The following SUMF1 variants were observed in gnomAD, a reference collection of about 807,000 sequenced individuals.
SUMF1 encodes formylglycine-generating enzyme.
In SUMF1, 48 loss-of-function variants were observed where a neutral mutation model predicts 47.6. That is an observed-to-expected ratio of 1.01 (90% CI 0.80 to 1.28). The LOEUF (loss-of-function observed/expected upper bound fraction) is 1.28. SUMF1 is among the 50% of genes most tolerant of loss of function. The pLI is 0.00. For synonymous variants in SUMF1, 230 were observed against 192.1 expected, an observed-to-expected ratio of 1.20 and a Z score of -1.63; for missense variants, 571 against 485.4, an observed-to-expected ratio of 1.18 and a Z score of -1.66.
intron 8 of SUMF1, among the ~76,000 whole-genome samples, chr3:4,295,307 T>G (rs1299743483): frequency 6.6e-6 from 1 of 152,012 alleles, no homozygotes; most frequent in African/African-American, 2.4e-5. Context: ...CAGATGATAT[T>G]TGGTGGTATC....
At chr3:4,212,640 A>C (rs1320427816) in intron 8 of SUMF1, among the ~76,000 whole-genome samples, 3 of 152,160 alleles carry the variant, frequency 2.0e-5, no homozygotes, top group Admixed American at 6.5e-5. Context: ...CTGTAACTCA[A>C]TGCAAGAAAG....
chr3:4,448,640 C>T (rs1702865470), intron 3 of SUMF1, among the ~76,000 whole-genome samples: 1 of 152,200 alleles, frequency 6.6e-6, no homozygotes, highest in Non-Finnish European at 1.5e-5. Flanking sequence ...GAACAAGAAT[C>T]CCAAGTTCCA....
intron 8 of SUMF1, among the ~76,000 whole-genome samples, chr3:4,266,287 GGGGAT>G (rs1697193851): frequency 6.6e-6 from 1 of 152,182 alleles, no homozygotes; most frequent in Non-Finnish European, 1.5e-5. Context: ...GTAGCTTGAT[GGGGAT>G]GGCAATGAAT....
intron 8 of SUMF1, among the ~76,000 whole-genome samples, chr3:4,348,369 T>C (rs1361946452): frequency 1.3e-5 from 2 of 152,000 alleles, no homozygotes; most frequent in Non-Finnish European, 2.9e-5. Context: ...TCGGAAGCAA[T>C]ACCACACATC....
Position 4,170,613 on chromosome 3 carries a change from A to C in SUMF1, c.1015-101868T>G, listed in dbSNP as rs112829126. 1.6e-3 allele frequency among the ~76,000 whole-genome samples: 241 copies of C among 152,352 alleles called. 1 individual carries two copies. Among genetic ancestry groups the C allele is most frequent in the African/African-American group, 5.2e-3 (218 of 41,594 alleles). On this transcript the variant is annotated intron_variant and NMD_transcript_variant, in intron 8 of 12. Transcript: ENST00000448413. ...TAAGCAACAGTAATCAAGACAGTGT[A>C]GTATTGTCACCAATAACAGACAATA...
chr3:4,180,560 G>A (rs963944530), intron 8 of SUMF1, among the ~76,000 whole-genome samples: 3 of 151,934 alleles, frequency 2.0e-5, no homozygotes, highest in Admixed American at 1.3e-4. Flanking sequence ...GGGGGCTGGG[G>A]GAGGGATAGC....
At chr3:4,119,095 T>A (rs745429965) in intron 8 of SUMF1, among the ~76,000 whole-genome samples, 1 of 152,120 alleles carries the variant, frequency 6.6e-6, no homozygotes, top group Non-Finnish European at 1.5e-5. Flanking sequence ...CATTTTTCAT[T>A]CCAGCTAATG....
chr3:4,317,067 G>C lies in SUMF1; in HGVS notation c.1014+59263C>G, dbSNP rs980707405. The C allele has an allele frequency of 3.2e-6, 5 of 1,549,072 alleles. No individual in the cohort carries two copies. In the East Asian group the frequency reaches 1.2e-4, roughly 38 times the overall value. On this transcript the variant is annotated intron_variant and NMD_transcript_variant, in intron 8 of 12. Transcript: ENST00000448413. Reference sequence around the variant, plus strand: ...TGACCTCTTGCCAACCAACTACCACGTCTTTAAGCATCTCAACAACTTTTT... The same window carrying C: ...TGACCTCTTGCCAACCAACTACCACCTCTTTAAGCATCTCAACAACTTTTT...
chr3:4,296,420 C>G (rs1341633288), intron 8 of SUMF1, among the ~76,000 whole-genome samples: 2 of 151,734 alleles, frequency 1.3e-5, no homozygotes, highest in African/African-American at 4.8e-5. Flanking sequence ...AAAGACATAC[C>G]TGAGACTGGG....
At chr3:4,273,686 A>AGGGAGGGAGGATACGGGAGGGAGGATAC (rs769902821) in intron 8 of SUMF1, among the ~76,000 whole-genome samples, 2 of 98,586 alleles carry the variant, frequency 2.0e-5, no homozygotes, top group Non-Finnish European at 4.0e-5. Context: ...GAAAGAAGGA[A>AGGGAGGGAGGATACGGGAGGGAGGATAC]GGGAGGGAGG....
intron 1 of SUMF1, among the ~76,000 whole-genome samples, chr3:4,463,335 C>T (rs143278305): frequency 1.3e-5 from 2 of 152,130 alleles, no homozygotes; most frequent in African/African-American, 2.4e-5. Flanking sequence ...ACTAAAAATA[C>T]AAAAATTGGC....
intron 8 of SUMF1, among the ~76,000 whole-genome samples, chr3:4,273,646 T>A (rs1697347874): frequency 6.9e-6 from 1 of 144,374 alleles, no homozygotes; most frequent in Admixed American, 7.2e-5. Flanking sequence ...GAGTAAATTT[T>A]ACATTAAGTA....
At chr3:4,121,691 T>C (rs368901492) in intron 8 of SUMF1, among the ~76,000 whole-genome samples, 3 of 152,186 alleles carry the variant, frequency 2.0e-5, no homozygotes, top group Non-Finnish European at 4.4e-5. Context: ...AGTGCCTATA[T>C]ATGCATGTTC....
intron 8 of SUMF1, among the ~76,000 whole-genome samples, chr3:4,220,177 G>C (rs1244670375): frequency 6.6e-6 from 1 of 152,130 alleles, no homozygotes; most frequent in Non-Finnish European, 1.5e-5. Context: ...AAGAGGCCAA[G>C]TTAATTCTGT....
chr3:4,315,366 T>A (rs1698594365), intron 8 of SUMF1, among the ~76,000 whole-genome samples: 1 of 152,220 alleles, frequency 6.6e-6, no homozygotes, highest in Non-Finnish European at 1.5e-5. Context: ...TACCCTTTTC[T>A]ATGTCCTTTT....
At chr3:4,256,327 G>C (rs1233279031) in intron 8 of SUMF1, among the ~76,000 whole-genome samples, 1 of 104,028 alleles carries the variant, frequency 9.6e-6, no homozygotes, top group East Asian at 2.3e-4. Context: ...GAATCCAGGA[G>C]CTGGTTTTTT....
At chr3:4,191,419 T>C (rs936160869) in intron 8 of SUMF1, among the ~76,000 whole-genome samples, 1 of 152,108 alleles carries the variant, frequency 6.6e-6, no homozygotes, top group Non-Finnish European at 1.5e-5. Context: ...AAAGGTTACA[T>C]CATGTAGGTC....
intron 8 of SUMF1, among the ~76,000 whole-genome samples, chr3:4,136,552 T>C (rs993336752): frequency 3.9e-5 from 6 of 152,008 alleles, no homozygotes; most frequent in East Asian, 1.9e-4. Context: ...ATTCAGGACA[T>C]AGGCATGGGC....
intron 8 of SUMF1, among the ~76,000 whole-genome samples, chr3:4,220,094 A>G (rs556202719): frequency 2.0e-5 from 3 of 152,288 alleles, no homozygotes; most frequent in African/African-American, 7.2e-5. Context: ...AGAGCATTAC[A>G]TAAGTCACTA....
Sources: allele counts gnomAD v4.1 joint callset (sites outside exome capture counted in the v4.1 genomes callset), GRCh38; gene constraint gnomAD v4.1.1; transcripts MANE v1.5; gene names NCBI Gene and HGNC (gene_info 2026-07-23, HGNC 2026-07-21).